ASPHD2: variants seen among roughly 807,000 people sequenced by gnomAD.
ASPHD2 encodes aspartate beta-hydroxylase domain-containing protein 2.
In ASPHD2, 12 loss-of-function variants were observed where a neutral mutation model predicts 34.6. The ratio of observed to expected loss-of-function variants is 0.35; its 90% CI spans 0.22 to 0.56. The LOEUF is 0.56. Among genes scored for constraint, ASPHD2 ranks in the 20% least tolerant of loss-of-function variants. ASPHD2 has a pLI of 0.87. For missense variants in ASPHD2, 375 were observed against 505.0 expected, an observed-to-expected ratio of 0.74 and a Z score of 2.47; for synonymous variants, 224 against 212.2, an observed-to-expected ratio of 1.06 and a Z score of -0.48.
intron 1 of ASPHD2, among the ~76,000 whole-genome samples, chr22:26,431,847 C>G (rs554128520): frequency 6.6e-6 from 1 of 152,298 alleles, no homozygotes; most frequent in Non-Finnish European, 1.5e-5. Flanking sequence ...GCTGTCCATC[C>G]GCCATCATTC....
At position 26,433,744 on chromosome 22, in the gene ASPHD2, G is replaced by A. The variant is rs542252135; in HGVS notation, c.129G>A (p.Arg43=). The change falls in exon 2 of 4, where the codon AGG becomes AGA. Residue 43 remains arginine (R), a synonymous_variant. Coordinates refer to ENST00000215906, the MANE Select transcript of ASPHD2 (RefSeq NM_020437.5). The surrounding 1 kb of genome is among the most constrained non-coding windows in gnomAD (Gnocchi z 5.1). ...VAWSWSLDGL[R]DCIATGIQSV... ...GGAGCTGGTCGCTGGATGGCCTGAG[G>A]GACTGCATCGCCACCGGCATCCAGT... The A allele has an allele frequency of 1.5e-5, 24 of 1,613,676 alleles. 2 individuals carry two copies. The South Asian group carries it at 2.3e-4, about 16-fold the overall frequency.
At chr22:26,442,400 T>C (rs1361684101) in intron 2 of ASPHD2, 59 bp from the exon 3 acceptor site, 1 of 1,323,392 alleles carries the variant, frequency 7.6e-7, no homozygotes, top group Non-Finnish European at 1.1e-6. Flanking sequence ...ACCCCCTATC[T>C]CCTGGCCTTC....
intron 2 of ASPHD2, among the ~76,000 whole-genome samples, chr22:26,438,029 A>ATT (rs1220409302): frequency 1.3e-5 from 2 of 152,120 alleles, no homozygotes; most frequent in Non-Finnish European, 2.9e-5. Context: ...GAGGCGGAGA[A>ATT]CAAGAAGCAG....
At chr22:26,439,600 G>T (rs935748638) in intron 2 of ASPHD2, among the ~76,000 whole-genome samples, 3 of 152,200 alleles carry the variant, frequency 2.0e-5, no homozygotes, top group African/African-American at 7.2e-5. Context: ...TCTGGAAAGT[G>T]GGTGAAGTGA....
Position 26,433,632 on chromosome 22 carries a change from T to C in ASPHD2, c.17T>C (p.Leu6Ser). Residue 6 changes from leucine to serine, a missense_variant, in exon 2 of 4, where the codon TTG (leucine) becomes TCG (serine). Leu to Ser is a moderately radical substitution (Grantham distance 145). Transcript: ENST00000215906. The surrounding 1 kb of genome is among the most constrained non-coding windows in gnomAD (Gnocchi z 5.1). MVWAP[L>S]GPPRTDCLTL... is the part of the protein sequence containing the mutation. ...CTAATCTGCATGGTGTGGGCGCCCTTGGGACCCCCGAGGACTGATTGTCTG... is the reference window on the plus strand; with the variant it reads ...CTAATCTGCATGGTGTGGGCGCCCTCGGGACCCCCGAGGACTGATTGTCTG... The C allele has an allele frequency of 6.2e-7, 1 of 1,613,876 alleles. No homozygotes were observed. The highest frequency in any genetic ancestry group is 8.5e-7 in the Non-Finnish European group (1 of 1,179,926).
chr22:26,439,684 A>G (rs564838538), intron 2 of ASPHD2, among the ~76,000 whole-genome samples: 12 of 152,282 alleles, frequency 7.9e-5, no homozygotes, highest in African/African-American at 2.9e-4. Context: ...GGTAACAAGG[A>G]TAGAAGTCCC....
chr22:26,439,875 T>G (rs1341232779), intron 2 of ASPHD2, among the ~76,000 whole-genome samples: 1 of 152,234 alleles, frequency 6.6e-6, no homozygotes, highest in Non-Finnish European at 1.5e-5. Context: ...GAATTATTAC[T>G]GTGAACGTAC....
chr22:26,438,443 A>T (rs1367534279), intron 2 of ASPHD2, among the ~76,000 whole-genome samples: 1 of 132,210 alleles, frequency 7.6e-6, no homozygotes, highest in East Asian at 2.2e-4. Context: ...ACACACATAC[A>T]TATATATACA....
Position 26,443,087 on chromosome 22 carries a change from T to TC in ASPHD2, c.1001-3dup, listed in dbSNP as rs753942230. The TC allele has an allele frequency of 9.5e-5, 152 of 1,605,748 alleles. No homozygotes were observed. Among genetic ancestry groups the TC allele is most frequent in the Non-Finnish European group, 1.1e-4 (130 of 1,172,844 alleles). On this transcript the variant is annotated splice_polypyrimidine_tract_variant and intron_variant, in intron 3 of 3. Coordinates refer to ENST00000215906, the MANE Select transcript of ASPHD2 (RefSeq NM_020437.5). ...TTGAACCTGTCCTCTCACCCCTCCT[T>TC]CCCCCCCAGGTTCAGCAGAGGATGG...
rs2084897943 is a variant in ASPHD2 at position 26,444,752 on chromosome 22, A to G, written c.*1546A>G. The G allele has an allele frequency of 6.6e-6, 1 of 152,244 alleles. No individual in the cohort carries two copies. Among genetic ancestry groups the G allele is most frequent in the South Asian group, 2.1e-4 (1 of 4,832 alleles). 9.4% of individuals were successfully genotyped at this position (152,244 alleles called of 1,614,324 possible). On this transcript the variant is annotated 3_prime_UTR_variant, in exon 4 of 4. Transcript: ENST00000215906. The stretch of plus-strand genomic sequence containing the variant: ...GGCAGGTACTAGCAAGTGTGCAAAG[A>G]GCACGTCTACATTTGAGTAAAATGT...
At chr22:26,443,055 G>A in intron 3 of ASPHD2, 42 bp from the exon 4 acceptor site, 1 of 1,458,928 alleles carries the variant, frequency 6.9e-7, no homozygotes. Flanking sequence ...CCTGACTCCA[G>A]GGTGGTTTGA....
In ASPHD2 at chr22:26,434,449, T is replaced by G; in HGVS notation, c.834T>G (p.Thr278=). Residue 278 remains threonine, a synonymous_variant, in exon 2 of 4, where the codon ACT becomes ACG. Transcript: ENST00000215906. ...GCATCTCTGTGCTGAGCCCTGGGAC[T>G]GTGATAACGGAGCACTATGGACCCA... is the stretch of plus-strand genomic sequence containing the variant. The part of the protein sequence containing the change: ...NACISVLSPG[T]VITEHYGPTN... 6.2e-7 allele frequency: 1 copy of G among 1,612,798 alleles called. No individual in the cohort carries two copies. The highest frequency in any genetic ancestry group is 8.5e-7 in the Non-Finnish European group (1 of 1,179,032).
chr22:26,434,532 T>C lies in ASPHD2; in HGVS notation c.886+31T>C, dbSNP rs751179067. The C allele has an allele frequency of 1.6e-4, 251 of 1,533,082 alleles. 1 individual carries two copies. Among genetic ancestry groups the C allele is most frequent in the Middle Eastern group, 3.5e-4 (2 of 5,744 alleles). 95.0% of individuals were successfully genotyped at this position (1,533,082 alleles called of 1,614,324 possible). ...TTGCAAGGACAGGGGTCTCCCGGCA[T>C]GCACATTTGCAAGCTCAGCCCCTCT... is the stretch of plus-strand genomic sequence containing the variant. On this transcript the variant is annotated intron_variant, in intron 2 of 3. Transcript: ENST00000215906.
chr22:26,440,536 T>A (rs1326532671), intron 2 of ASPHD2, among the ~76,000 whole-genome samples: 1 of 152,074 alleles, frequency 6.6e-6, no homozygotes, highest in Non-Finnish European at 1.5e-5. Flanking sequence ...TCACCATGTT[T>A]GAGACCAGGC....
Position 26,443,337 on chromosome 22 carries a change from AT to A in ASPHD2, c.*135del. 1.4e-6 allele frequency: 1 copy of A among 699,794 alleles called. No homozygotes were observed. The highest frequency in any genetic ancestry group is 2.4e-6 in the Non-Finnish European group (1 of 411,262). 43.3% of individuals were successfully genotyped at this position (699,794 alleles called of 1,614,324 possible). A position where few individuals can be genotyped will look rare whatever the true frequency, so the allele number is the denominator to read the frequency against. ...CCTCAGCGGAAAGCTCTTATTTGGG[AT>A]TTTATATCATGTCGGGTCCCTCTTT... is the stretch of plus-strand genomic sequence containing the variant. On this transcript the variant is annotated 3_prime_UTR_variant, in exon 4 of 4. Transcript: ENST00000215906.
chr22:26,435,745 G>C (rs865789634), intron 2 of ASPHD2, among the ~76,000 whole-genome samples: 30 of 61,982 alleles, frequency 4.8e-4, no homozygotes, highest in Non-Finnish European at 7.4e-4. Context: ...GAAAAGAAAA[G>C]AAAAGAAAAG....
chr22:26,434,491 A>G lies in ASPHD2; in HGVS notation c.876A>G (p.Arg292=), dbSNP rs759694120. The stretch of plus-strand genomic sequence containing the variant: ...ATGGACCCACCAACATCCGCATCCG[A>G]TGCCATTTAGGTATGTTGCAAGGAC... ...EHYGPTNIRI[R]CHLGLKTPNG... is the part of the protein sequence containing the mutation. The change falls in exon 2 of 4, where the codon CGA becomes CGG. Residue 292 remains arginine, a synonymous_variant. Coordinates refer to ENST00000215906, the MANE Select transcript of ASPHD2 (RefSeq NM_020437.5). 6.3e-7 allele frequency: 1 copy of G among 1,588,308 alleles called. No homozygotes were observed. The highest frequency in any genetic ancestry group is 2.3e-5 in the East Asian group (1 of 44,290).
chr22:26,440,936 G>A (rs1474370513), intron 2 of ASPHD2, among the ~76,000 whole-genome samples: 2 of 152,356 alleles, frequency 1.3e-5, no homozygotes, highest in Non-Finnish European at 1.5e-5. Context: ...GCTTCAGAGT[G>A]TAGTGCAAAT....
At chr22:26,431,128 G>A (rs2084753558) in intron 1 of ASPHD2, among the ~76,000 whole-genome samples, 1 of 152,154 alleles carries the variant, frequency 6.6e-6, no homozygotes, top group African/African-American at 2.4e-5. Flanking sequence ...GTTCCAGTAG[G>A]GGTTTAGCTC....
Sources: gnomAD v4.1 joint callset for allele counts (sites outside exome capture counted in the v4.1 genomes callset) on GRCh38, gnomAD v4.1.1 for gene constraint, Gnocchi (gnomAD v3.1) non-coding constraint, MANE v1.5 for transcripts, NCBI Gene and HGNC (gene_info 2026-07-23, HGNC 2026-07-21) for gene names.